The following GLT8D2 variants were observed in gnomAD, a reference collection of about 807,000 sequenced individuals.
GLT8D2 encodes the protein glycosyltransferase 8 domain containing 2, also known as glycosyltransferase 8 domain-containing protein 2.
A neutral mutation model predicts 44.5 loss-of-function variants in GLT8D2; 45 were observed. The ratio of observed to expected loss-of-function variants is 1.01; its 90% CI spans 0.80 to 1.30. The LOEUF (loss-of-function observed/expected upper bound fraction) is 1.30. Among genes scored for constraint, GLT8D2 ranks in the 50% most tolerant of loss-of-function variants. The pLI, the probability that GLT8D2 is intolerant of heterozygous loss-of-function variation, is 0.00. For missense variants in GLT8D2, 400 were observed against 430.4 expected, an observed-to-expected ratio of 0.93 and a Z score of 0.62; for synonymous variants, 156 against 157.2, an observed-to-expected ratio of 0.99 and a Z score of 0.06.
chr12:104,020,124 G>C (rs1226806318), intron 2 of GLT8D2, among the ~76,000 whole-genome samples: 1 of 151,978 alleles, frequency 6.6e-6, no homozygotes, highest in African/African-American at 2.4e-5. Context: ...GTTTTGCCAT[G>C]TTGCCCAGGC....
intron 1 of GLT8D2, among the ~76,000 whole-genome samples, chr12:104,040,920 G>A (rs1048024627): frequency 6.6e-6 from 1 of 152,112 alleles, no homozygotes; most frequent in Non-Finnish European, 1.5e-5. Context: ...ACTGTTTTCT[G>A]GCAAGGTGTT....
At chr12:104,023,932 C>T (rs758846689) in intron 1 of GLT8D2, among the ~76,000 whole-genome samples, 1 of 152,082 alleles carries the variant, frequency 6.6e-6, no homozygotes, top group East Asian at 1.9e-4. Flanking sequence ...ATCCATTCAC[C>T]CACTGAAGGA....
At chr12:104,031,477 G>A (rs1593559104) in intron 1 of GLT8D2, 1 of 1,613,382 alleles carries the variant, frequency 6.2e-7, no homozygotes, top group East Asian at 2.2e-5. Context: ...TGCAGTTTCT[G>A]GGGGATGAGG....
In GLT8D2 at chr12:103,993,511, A is replaced by T; in HGVS notation, c.768-7T>A. On this transcript the variant is annotated splice_polypyrimidine_tract_variant and splice_region_variant and intron_variant, in intron 9 of 10. Transcript: ENST00000360814. ...GCTGCTATAGAGGTTTTCCCTAAGA[A>T]ATGAAATAGAAAAACAACATTTGGC... is the stretch of plus-strand genomic sequence containing the variant. 6.5e-7 allele frequency: 1 copy of T among 1,545,232 alleles called. No homozygotes were observed. Among genetic ancestry groups the T allele is most frequent in the East Asian group, 2.3e-5 (1 of 43,894 alleles).
chr12:104,023,983 C>T (rs1353308766), intron 1 of GLT8D2, among the ~76,000 whole-genome samples: 1 of 152,160 alleles, frequency 6.6e-6, no homozygotes, highest in African/African-American at 2.4e-5. Flanking sequence ...ATGAATAATA[C>T]TTCTGTAAAC....
chr12:104,045,126 A>C (rs1382925095), intron 1 of GLT8D2, among the ~76,000 whole-genome samples: 1 of 152,236 alleles, frequency 6.6e-6, no homozygotes, highest in Admixed American at 6.5e-5. Context: ...AATGAGAATC[A>C]GGAGAGAGAA....
In GLT8D2 at chr12:104,012,880, A is replaced by C. The variant is rs551631885; in HGVS notation, c.112+2133T>G. 311 of 685,878 alleles carry C rather than the reference A, an allele frequency of 4.5e-4. 7 individuals carry two copies. In the South Asian group the frequency reaches 4.7e-3, roughly 10 times the overall value. 42.5% of individuals were successfully genotyped at this position (685,878 alleles called of 1,614,324 possible). A position where few individuals can be genotyped will look rare whatever the true frequency, so the allele number is the denominator to read the frequency against. On this transcript the variant is annotated intron_variant, in intron 4 of 10. Transcript: ENST00000360814. The stretch of plus-strand genomic sequence containing the variant: ...CACAGAGGGTCACAGCCAGGAATGC[A>C]GCACAGAGAAAAGGCCACGTGAGGA...
chr12:104,050,773 G>A (rs933044386), upstream of GLT8D2, among the ~76,000 whole-genome samples: 1 of 151,748 alleles, frequency 6.6e-6, no homozygotes, highest in African/African-American at 2.4e-5. Flanking sequence ...TTTCTAAAGT[G>A]GTGCTCTCCA....
intron 1 of GLT8D2, among the ~76,000 whole-genome samples, chr12:104,021,956 G>GGAAGAGGAA (rs1877846762): frequency 3.9e-5 from 1 of 25,960 alleles, no homozygotes; most frequent in Admixed American, 4.4e-4. Flanking sequence ...AAGAAGAAGA[G>GGAAGAGGAA]GAAGAAGAGG....
chr12:104,020,237 C>T (rs1052821959), intron 2 of GLT8D2, among the ~76,000 whole-genome samples: 1 of 151,928 alleles, frequency 6.6e-6, no homozygotes, highest in Non-Finnish European at 1.5e-5. Context: ...TTTTTTTTAA[C>T]CTCTTGTAAA....
chr12:104,055,395 G>A (rs1882095987), intron 1 of GLT8D2, among the ~76,000 whole-genome samples: 1 of 152,228 alleles, frequency 6.6e-6, no homozygotes, highest in Non-Finnish European at 1.5e-5. Flanking sequence ...GGGGTCCCTG[G>A]CACTCTGTCA....
intron 1 of GLT8D2, among the ~76,000 whole-genome samples, chr12:104,060,174 A>G (rs1882510117): frequency 6.6e-6 from 1 of 151,954 alleles, no homozygotes; most frequent in Admixed American, 6.6e-5. Context: ...CTTCTTTGAC[A>G]TCACCCTCAC....
upstream of GLT8D2, among the ~76,000 whole-genome samples, chr12:104,054,920 C>T (rs2136536500): frequency 6.6e-6 from 1 of 152,230 alleles, no homozygotes; most frequent in Admixed American, 6.5e-5. Flanking sequence ...TGGCAGGATA[C>T]AGACAGCTCC....
chr12:104,027,331 G>C (rs1467076845), intron 1 of GLT8D2, among the ~76,000 whole-genome samples: 1 of 152,158 alleles, frequency 6.6e-6, no homozygotes, highest in Admixed American at 6.5e-5. Context: ...TGGAAGCCTA[G>C]AATGGTCTTT....
At position 103,999,392 on chromosome 12, in the gene GLT8D2, C is replaced by G. The variant is rs1451580090; in HGVS notation, c.402+5G>C. On this transcript the variant is annotated splice_donor_5th_base_variant and intron_variant, in intron 6 of 10. Coordinates refer to ENST00000360814, the MANE Select transcript of GLT8D2 (RefSeq NM_001384711.1). ...GTCCCCAGCACCTGTGTGGTCCCTACTTACAGGCTGGAGCAATTCAGGCCT... is the reference window on the plus strand; with the variant it reads ...GTCCCCAGCACCTGTGTGGTCCCTAGTTACAGGCTGGAGCAATTCAGGCCT... 1.6e-5 allele frequency: 25 copies of G among 1,568,120 alleles called. No individual in the cohort carries two copies. Among genetic ancestry groups the G allele is most frequent in the Non-Finnish European group, 2.2e-5 (25 of 1,138,014 alleles).
chr12:104,020,451 A>G (rs1007358465), intron 2 of GLT8D2, among the ~76,000 whole-genome samples: 11 of 152,304 alleles, frequency 7.2e-5, no homozygotes, highest in Admixed American at 2.6e-4. Flanking sequence ...TTCAGTATTT[A>G]CATATTGAGA....
chr12:104,007,266 C>CTCTCTCTCTCTCTCTCTCTCT (rs1555277856), intron 4 of GLT8D2, among the ~76,000 whole-genome samples: 1 of 133,348 alleles, frequency 7.5e-6, no homozygotes, highest in Non-Finnish European at 1.7e-5. Flanking sequence ...CTCTCTCTCT[C>CTCTCTCTCTCTCTCTCTCTCT]CCCCCGCTCT....
At chr12:104,052,821 T>G (rs1431701463), upstream of GLT8D2, among the ~76,000 whole-genome samples, 1 of 152,108 alleles carries the variant, frequency 6.6e-6, no homozygotes, top group Non-Finnish European at 1.5e-5. Context: ...CAGGCTGGAC[T>G]TGAATTCCTG....
At chr12:104,020,456 T>C (rs538527243) in intron 2 of GLT8D2, among the ~76,000 whole-genome samples, 53 of 152,308 alleles carry the variant, frequency 3.5e-4, no homozygotes, top group African/African-American at 1.3e-3. Context: ...TATTTACATA[T>C]TGAGATCCTA....
Sources: gnomAD v4.1 joint callset for allele counts (sites outside exome capture counted in the v4.1 genomes callset) on GRCh38, gnomAD v4.1.1 for gene constraint, MANE v1.5 for transcripts, NCBI Gene and HGNC (gene_info 2026-07-23, HGNC 2026-07-21) for gene names.